The following FBXL20 variants were observed in gnomAD, a reference collection of about 807,000 sequenced individuals.
FBXL20 encodes F-box/LRR-repeat protein 20.
Under a neutral mutation model 64.0 loss-of-function variants are expected in FBXL20, and 11 were observed. The observed-to-expected ratio is 0.17, with a 90% CI of 0.11 to 0.28. FBXL20 has a LOEUF of 0.28. Ranked by LOEUF, FBXL20 falls within the 10% of genes least tolerant of loss-of-function variation. FBXL20 has a pLI of 1.00. For missense variants in FBXL20, 303 were observed against 526.2 expected, an observed-to-expected ratio of 0.58 and a Z score of 4.15; for synonymous variants, 184 against 189.0, an observed-to-expected ratio of 0.97 and a Z score of 0.22.
At chr17:39,372,871 C>T (rs1223453243) in intron 1 of FBXL20, among the ~76,000 whole-genome samples, 1 of 151,898 alleles carries the variant, frequency 6.6e-6, no homozygotes, top group African/African-American at 2.4e-5. Flanking sequence ...GTGATCCACC[C>T]GCCTCAGCCT....
chr17:39,345,209 C>T (rs77039740), intron 1 of FBXL20, among the ~76,000 whole-genome samples: 1 of 152,084 alleles, frequency 6.6e-6, no homozygotes, highest in Non-Finnish European at 1.5e-5. Flanking sequence ...AAAAAAGACA[C>T]GATCTCTATC....
intron 7 of FBXL20, among the ~76,000 whole-genome samples, chr17:39,283,920 A>AGCCCGGT (rs1555604100): frequency 7.3e-5 from 11 of 151,578 alleles, no homozygotes; most frequent in African/African-American, 2.7e-4. Context: ...AAGCCATGAT[A>AGCCCGGT]TCAAGTTCAT....
chr17:39,316,432 G>T (rs2047293075), intron 2 of FBXL20, among the ~76,000 whole-genome samples: 3 of 151,982 alleles, frequency 2.0e-5, no homozygotes, highest in East Asian at 1.9e-4. Context: ...CTAGTAGAAG[G>T]AATCAGGGCT....
intron 1 of FBXL20, among the ~76,000 whole-genome samples, chr17:39,390,872 C>T (rs1025921118): frequency 5.3e-5 from 8 of 151,938 alleles, no homozygotes; most frequent in Admixed American, 1.3e-4. Context: ...GATGGTAAAA[C>T]CCTGTCTCTA....
intron 6 of FBXL20, 92 bp from the exon 7 acceptor site, chr17:39,285,665 A>T: frequency 4.4e-6 from 3 of 686,504 alleles, no homozygotes; most frequent in South Asian, 3.0e-5. Flanking sequence ...ACACATGTGT[A>T]TATATAAGAA....
chr17:39,379,475 C>A (rs570792790), intron 1 of FBXL20, among the ~76,000 whole-genome samples: 1 of 135,990 alleles, frequency 7.4e-6, no homozygotes. Context: ...AGCAAGACCC[C>A]ATCCCTTACC....
chr17:39,400,709 G>C (rs1483255393), intron 1 of FBXL20, among the ~76,000 whole-genome samples: 8 of 152,176 alleles, frequency 5.3e-5, no homozygotes, highest in South Asian at 4.1e-4. Flanking sequence ...CTGAAAGACA[G>C]ACCGGAATGG....
At chr17:39,270,671 A>C in intron 11 of FBXL20, 125 bp downstream of exon 11, 1 of 734,788 alleles carries the variant, frequency 1.4e-6, no homozygotes, top group African/African-American at 1.8e-5. Flanking sequence ...TATAGCATGA[A>C]ACCCCGTCTC....
Position 39,258,860 on chromosome 17 carries a change from A to G in FBXL20, c.*2600T>C, listed in dbSNP as rs2046719285. The G allele has an allele frequency of 6.6e-6, 1 of 152,222 alleles. No individual in the cohort carries two copies. The highest frequency in any genetic ancestry group is 1.5e-5 in the Non-Finnish European group (1 of 68,044). The allele number at this position is 152,222 out of a possible 1,614,324, so 9.4% of individuals were successfully genotyped here. ...AATATTATTAACCACATCTGGAAGT[A>G]TGTGTGTATGCACGTATGTATTTTT... On this transcript the variant is annotated 3_prime_UTR_variant, in exon 15 of 15. Coordinates refer to ENST00000264658, the MANE Select transcript of FBXL20 (RefSeq NM_032875.3).
At chr17:39,350,059 T>TA (rs1225318422) in intron 1 of FBXL20, among the ~76,000 whole-genome samples, 2 of 152,126 alleles carry the variant, frequency 1.3e-5, no homozygotes, top group Non-Finnish European at 2.9e-5. Flanking sequence ...AAGTAAAACT[T>TA]AATCATTTTA....
intron 2 of FBXL20, among the ~76,000 whole-genome samples, chr17:39,306,849 A>G (rs1754614820): frequency 6.6e-6 from 1 of 152,226 alleles, no homozygotes; most frequent in Non-Finnish European, 1.5e-5. Context: ...AAAACTGATA[A>G]TAAATTAAAT....
At chr17:39,303,204 G>A (rs1277895108) in intron 3 of FBXL20, among the ~76,000 whole-genome samples, 1 of 151,626 alleles carries the variant, frequency 6.6e-6, no homozygotes, top group Non-Finnish European at 1.5e-5. Context: ...AGCCAGCAGT[G>A]GATGTTACTA....
chr17:39,318,686 G>A (rs1345021505), intron 2 of FBXL20, among the ~76,000 whole-genome samples: 1 of 152,138 alleles, frequency 6.6e-6, no homozygotes. Context: ...GTTTCAGTGA[G>A]CCGAGATCAT....
intron 2 of FBXL20, among the ~76,000 whole-genome samples, chr17:39,338,634 T>C (rs1003950948): frequency 6.6e-6 from 1 of 152,200 alleles, no homozygotes; most frequent in Non-Finnish European, 1.5e-5. Flanking sequence ...AAGAACATAA[T>C]TCTGCAGTGG....
intron 3 of FBXL20, 70 bp downstream of exon 3, chr17:39,303,515 G>T: frequency 2.4e-6 from 3 of 1,247,782 alleles, no homozygotes; most frequent in Non-Finnish European, 3.4e-6. Flanking sequence ...TAAATGGATG[G>T]CCTATGAAAG....
chr17:39,312,560 A>C (rs1411956884), intron 2 of FBXL20, among the ~76,000 whole-genome samples: 1 of 142,416 alleles, frequency 7.0e-6, no homozygotes, highest in Non-Finnish European at 1.5e-5. Flanking sequence ...CAACCCTTTA[A>C]ATTCTATCTT....
chr17:39,268,187 A>C (rs2046809142), intron 12 of FBXL20, among the ~76,000 whole-genome samples: 1 of 152,002 alleles, frequency 6.6e-6, no homozygotes, highest in Admixed American at 6.6e-5. Context: ...TCCCATCTCT[A>C]CTAAGAATAC....
chr17:39,264,956 C>CG (rs1224045613), intron 13 of FBXL20, among the ~76,000 whole-genome samples: 4 of 152,306 alleles, frequency 2.6e-5, no homozygotes, highest in African/African-American at 9.6e-5. Context: ...ACAGAACAGT[C>CG]ACTCAGAATG....
chr17:39,365,659 CTT>C (rs1183117271), intron 1 of FBXL20, among the ~76,000 whole-genome samples: 1 of 151,668 alleles, frequency 6.6e-6, no homozygotes, highest in Non-Finnish European at 1.5e-5. Context: ...CATCTACACA[CTT>C]TTATTTTTTT....
Sources: gnomAD v4.1 joint callset for allele counts (sites outside exome capture counted in the v4.1 genomes callset) on GRCh38, gnomAD v4.1.1 for gene constraint, MANE v1.5 for transcripts, NCBI Gene and HGNC (gene_info 2026-07-23, HGNC 2026-07-21) for gene names.